KIAA1671: variants seen among roughly 807,000 people sequenced by gnomAD.
KIAA1671 encodes uncharacterized protein KIAA1671.
Under a neutral mutation model 131.2 loss-of-function variants are expected in KIAA1671, and 52 were observed. The ratio of observed to expected loss-of-function variants is 0.40; its 90% CI spans 0.32 to 0.50. KIAA1671 has a LOEUF of 0.50. KIAA1671 is among the 20% of genes least tolerant of loss of function. The pLI is 0.73. For synonymous variants in KIAA1671, 1,003 were observed against 961.6 expected (o/e 1.04, Z -0.80); for missense variants, 2,360 against 2,364.2 (o/e 1.00, Z 0.04).
At chr22:25,058,412 A>G (rs1927970665) in intron 6 of KIAA1671, 1 of 152,166 alleles carries the variant, frequency 6.6e-6, no homozygotes, top group Non-Finnish European at 1.5e-5. Context: ...GTTACGTCCC[A>G]TCCAGGATGT....
intron 5 of KIAA1671, among the ~76,000 whole-genome samples, chr22:25,043,200 C>A (rs1192614065): frequency 6.6e-6 from 1 of 152,204 alleles, no homozygotes; most frequent in Non-Finnish European, 1.5e-5. Context: ...AAGAAACCCT[C>A]ACCCAAATAA....
intron 8 of KIAA1671, chr22:25,174,719 T>G: frequency 2.2e-6 from 1 of 458,450 alleles, no homozygotes; most frequent in South Asian, 5.0e-5. Flanking sequence ...CCTTATCCAC[T>G]TGTAACCAGC....
chr22:25,017,592 C>T (rs986331722), intron 1 of KIAA1671, among the ~76,000 whole-genome samples: 153 of 152,250 alleles, frequency 1.0e-3, no homozygotes, highest in African/African-American at 3.5e-3. Flanking sequence ...TACTAAATGC[C>T]ACTGCATTGT....
chr22:25,123,485 C>A lies in KIAA1671; in HGVS notation c.4531-47335C>A, dbSNP rs554003842. Among the ~76,000 whole-genome samples, 157 of 152,288 alleles carry A rather than the reference C, an allele frequency of 1.0e-3. 2 individuals are homozygous for A. Among genetic ancestry groups the A allele is most frequent in the African/African-American group, 3.5e-3 (144 of 41,546 alleles). ...GGGATTACAGGCGTGAGCTACCGTG[C>A]CCGGCTGAGATGAGGTTTCAAAAGA... On this transcript the variant is annotated intron_variant, in intron 6 of 12. Coordinates refer to ENST00000358431, the MANE Select transcript of KIAA1671 (RefSeq NM_001145206.2).
Position 25,041,526 on chromosome 22 carries a change from G to A in KIAA1671, c.4395+1G>A. 3.3e-6 allele frequency: 5 copies of A among 1,529,566 alleles called. No homozygotes were observed. The highest frequency in any genetic ancestry group is 4.4e-6 in the Non-Finnish European group (5 of 1,138,312). The allele number at this position is 1,529,566 out of a possible 1,614,324, so 94.7% of individuals were successfully genotyped here. A position where few individuals can be genotyped will look rare whatever the true frequency, so the allele number is the denominator to read the frequency against. ...GTCAGGGACTGGAGACAGTCACAAG[G>A]TAAGTACCGAGACACTTTTTAATTT... is the stretch of plus-strand genomic sequence containing the variant. On this transcript the variant is annotated splice_donor_variant, in intron 5 of 12. Transcript: ENST00000358431. LOFTEE classifies it high-confidence loss of function.
chr22:24,995,170 C>T, intron 1 of KIAA1671, among the ~76,000 whole-genome samples: 1 of 151,618 alleles, frequency 6.6e-6, no homozygotes, highest in Non-Finnish European at 1.5e-5. Flanking sequence ...CCTGCCTCAG[C>T]CTCCTGAGTA....
At chr22:25,077,757 C>T (rs1035717157) in intron 6 of KIAA1671, among the ~76,000 whole-genome samples, 5 of 152,194 alleles carry the variant, frequency 3.3e-5, no homozygotes, top group African/African-American at 9.7e-5. Context: ...CATGTCCCCA[C>T]GTTTGACTCT....
In KIAA1671 at chr22:25,133,601, G is replaced by C. The variant is rs145263941; in HGVS notation, c.4531-37219G>C. ...TGTGTTGTGGAGGCTGGAGTGCAGT[G>C]GTGCAATCATAGTTCACTGCAGCCT... On this transcript the variant is annotated intron_variant, in intron 6 of 12. Coordinates refer to ENST00000358431, the MANE Select transcript of KIAA1671 (RefSeq NM_001145206.2). Among the ~76,000 whole-genome samples the C allele has an allele frequency of 4.8e-3, 733 of 152,216 alleles. 7 individuals are homozygous for C. The highest frequency in any genetic ancestry group is 0.017 in the African/African-American group (709 of 41,512).
intron 6 of KIAA1671, among the ~76,000 whole-genome samples, chr22:25,071,983 G>A (rs1185489242): frequency 6.6e-6 from 1 of 152,320 alleles, no homozygotes; most frequent in East Asian, 1.9e-4. Context: ...ATATGGTCTC[G>A]TTGGGGTGCA....
intron 1 of KIAA1671, among the ~76,000 whole-genome samples, chr22:24,991,623 A>ATTTTTT (rs34846801): frequency 7.8e-6 from 1 of 128,886 alleles, no homozygotes; most frequent in Non-Finnish European, 1.6e-5. Flanking sequence ...CGCCCGGCTA[A>ATTTTTT]TTTTTTTTTT....
At chr22:25,004,417 G>T (rs1924632628) in intron 1 of KIAA1671, among the ~76,000 whole-genome samples, 1 of 152,022 alleles carries the variant, frequency 6.6e-6, no homozygotes, top group Non-Finnish European at 1.5e-5. Context: ...ACTGAAATGG[G>T]ATCTTCATGT....
chr22:25,191,218 G>C (rs532332874), intron 12 of KIAA1671, among the ~76,000 whole-genome samples: 2 of 148,390 alleles, frequency 1.3e-5, no homozygotes, highest in Non-Finnish European at 3.0e-5. Context: ...ATGCAATCTC[G>C]GATCTTGGCT....
In KIAA1671 at chr22:25,076,328, C is replaced by T. The variant is rs188461995; in HGVS notation, c.4530+26964C>T. On this transcript the variant is annotated intron_variant, in intron 6 of 12. Coordinates refer to ENST00000358431, the MANE Select transcript of KIAA1671 (RefSeq NM_001145206.2). Reference sequence around the variant, plus strand: ...GTTTATTGTATGCATAATTGTTCCCCGCCTTAAATCTTGATTCACATTTCG... The same window carrying T: ...GTTTATTGTATGCATAATTGTTCCCTGCCTTAAATCTTGATTCACATTTCG... 2.3e-3 allele frequency among the ~76,000 whole-genome samples: 353 copies of T among 152,118 alleles called. 1 individual carries two copies. The highest frequency in any genetic ancestry group is 7.2e-3 in the African/African-American group (297 of 41,472).
intron 6 of KIAA1671, among the ~76,000 whole-genome samples, chr22:25,117,063 T>C (rs1411710039): frequency 1.3e-5 from 2 of 152,200 alleles, no homozygotes; most frequent in Non-Finnish European, 2.9e-5. Flanking sequence ...TAGAAGCCAG[T>C]AGCATCCCAC....
At chr22:25,074,132 T>C (rs1334097663) in intron 6 of KIAA1671, among the ~76,000 whole-genome samples, 3 of 152,148 alleles carry the variant, frequency 2.0e-5, no homozygotes, top group Non-Finnish European at 4.4e-5. Flanking sequence ...AACACGATCT[T>C]CTACTTTTTA....
chr22:24,984,420 C>T (rs927276839), intron 1 of KIAA1671, among the ~76,000 whole-genome samples: 8 of 152,152 alleles, frequency 5.3e-5, no homozygotes, highest in African/African-American at 1.9e-4. Context: ...GGCAAAGGAC[C>T]ATCCTCAAAT....
At chr22:25,185,351 G>A (rs1268343655) in intron 11 of KIAA1671, 9 of 483,718 alleles carry the variant, frequency 1.9e-5, no homozygotes, top group African/African-American at 8.0e-5. Context: ...CCTCTTCCCC[G>A]CCCACTGCCA....
intron 12 of KIAA1671, among the ~76,000 whole-genome samples, chr22:25,191,029 A>G (rs1046339740): frequency 1.1e-4 from 17 of 152,278 alleles, no homozygotes; most frequent in Admixed American, 1.0e-3. Context: ...GCCAGGAGGC[A>G]GGTGACTGGG....
chr22:24,969,422 G>A (rs1425455345), intron 1 of KIAA1671, among the ~76,000 whole-genome samples: 1 of 152,074 alleles, frequency 6.6e-6, no homozygotes, highest in Admixed American at 6.6e-5. Context: ...GTAAGGAGAT[G>A]TTACACTGTA....
Sources: gnomAD v4.1 joint callset for allele counts (sites outside exome capture counted in the v4.1 genomes callset) on GRCh38, gnomAD v4.1.1 for gene constraint, MANE v1.5 for transcripts, NCBI Gene and HGNC (gene_info 2026-07-23, HGNC 2026-07-21) for gene names.